FMO5: variants seen among roughly 807,000 people sequenced by gnomAD.
The protein encoded by FMO5 is flavin-containing monooxygenase 5.
In FMO5, 51 loss-of-function variants were observed where a neutral mutation model predicts 43.6. The observed-to-expected ratio is 1.17, with a 90% confidence interval of 0.93 to 1.48. The LOEUF (loss-of-function observed/expected upper bound fraction) is 1.48, where lower values mean the gene tolerates loss of function less well. FMO5 is among the 40% of genes most tolerant of loss of function. The pLI is 0.00. For missense variants in FMO5, 644 were observed against 643.0 expected (o/e 1.00, Z -0.02); for synonymous variants, 187 against 216.5 (o/e 0.86, Z 1.20).
At chr1:147,201,914 G>T (rs1051723068) in intron 6 of FMO5, among the ~76,000 whole-genome samples, 2 of 152,130 alleles carry the variant, frequency 1.3e-5, no homozygotes, top group Non-Finnish European at 2.9e-5. Flanking sequence ...CTAAGTTTAG[G>T]CCACTGTTTT....
chr1:147,208,665 C>T lies in FMO5; in HGVS notation c.830+187G>A, dbSNP rs1660541827. ...TGTTGGCCAGGATGGTCTCAAACTC[C>T]TGAGCTCAGGTGATCCACCCGCCTC... is the stretch of plus-strand genomic sequence containing the variant. On this transcript the variant is annotated intron_variant, in intron 6 of 8. Transcript: ENST00000254090. 3 of 493,674 alleles carry T rather than the reference C, an allele frequency of 6.1e-6. No homozygotes were observed. In the South Asian group the frequency reaches 6.2e-5, roughly 10 times the overall value. The allele number at this position is 493,674 out of a possible 1,614,324, so 30.6% of individuals were successfully genotyped here. A position where few individuals can be genotyped will look rare whatever the true frequency, so the allele number is the denominator to read the frequency against.
At chr1:147,199,728 G>A (rs1293334285) in intron 7 of FMO5, among the ~76,000 whole-genome samples, 1 of 152,160 alleles carries the variant, frequency 6.6e-6, no homozygotes, top group Non-Finnish European at 1.5e-5. Flanking sequence ...TTGACTACTT[G>A]TATAGTTCTC....
intron 7 of FMO5, among the ~76,000 whole-genome samples, chr1:147,193,202 A>C (rs1158186569): frequency 6.6e-6 from 1 of 152,172 alleles, no homozygotes; most frequent in African/African-American, 2.4e-5. Context: ...TTATTGGTCT[A>C]TTCAGAGATT....
At chr1:147,207,028 GA>G (rs1432809668) in intron 6 of FMO5, among the ~76,000 whole-genome samples, 2 of 151,668 alleles carry the variant, frequency 1.3e-5, no homozygotes, top group African/African-American at 4.8e-5. Context: ...GATTTAAAAA[GA>G]TTTTTTTAAA....
chr1:147,226,677 C>A (rs1175583262), upstream of FMO5, among the ~76,000 whole-genome samples: 15 of 152,110 alleles, frequency 9.9e-5, no homozygotes, highest in African/African-American at 3.6e-4. Flanking sequence ...TCTCCTTCTA[C>A]CACTCCCTGA....
At chr1:147,214,526 G>C (rs1185916855) in intron 3 of FMO5, among the ~76,000 whole-genome samples, 1 of 151,296 alleles carries the variant, frequency 6.6e-6, no homozygotes, top group Non-Finnish European at 1.5e-5. Flanking sequence ...ACTATTTATA[G>C]TTCCTCTATC....
chr1:147,224,793 T>C (rs28381170), intron 2 of FMO5, 102 bp downstream of exon 2: 1 of 1,154,400 alleles, frequency 8.7e-7, no homozygotes, highest in Non-Finnish European at 1.3e-6. Flanking sequence ...TACAGGCGTG[T>C]GCCAACCGCG....
At chr1:147,207,726 G>A (rs147458785) in intron 6 of FMO5, among the ~76,000 whole-genome samples, 90 of 152,200 alleles carry the variant, frequency 5.9e-4, no homozygotes, top group African/African-American at 2.1e-3. Flanking sequence ...CCCTGGTTCC[G>A]GGAATACCTC....
intron 8 of FMO5, among the ~76,000 whole-genome samples, chr1:147,188,941 GAGA>G (rs2101696411): frequency 1.3e-5 from 2 of 152,204 alleles, no homozygotes; most frequent in South Asian, 4.1e-4. Context: ...ACTCAGTAGT[GAGA>G]AGAAGGAAAA....
chr1:147,187,290 C>T (rs1287563576), intron 8 of FMO5, 45 bp from the exon 9 acceptor site: 4 of 1,431,716 alleles, frequency 2.8e-6, no homozygotes, highest in Admixed American at 4.2e-5. Context: ...ATAATTCAAT[C>T]AGTCAGTCAA....
intron 5 of FMO5, among the ~76,000 whole-genome samples, chr1:147,211,837 C>T (rs28381191): frequency 0.016 from 2,484 of 152,304 alleles, 64 homozygotes; most frequent in African/African-American, 0.056. Context: ...AAGGCCAGGG[C>T]AAGCTGCTTG....
intron 6 of FMO5, among the ~76,000 whole-genome samples, chr1:147,206,721 C>G (rs1482184344): frequency 4.6e-5 from 7 of 152,046 alleles, no homozygotes; most frequent in Admixed American, 3.3e-4. Context: ...AATGAGAACA[C>G]TTGGACACAG....
chr1:147,203,985 A>C (rs1367123251), intron 6 of FMO5: 16 of 1,195,010 alleles, frequency 1.3e-5, no homozygotes, highest in Non-Finnish European at 2.0e-5. Flanking sequence ...TCCCATTTTG[A>C]GTTTAGCTTC....
chr1:147,204,169 T>C (rs1659546770), intron 6 of FMO5: 6 of 1,273,860 alleles, frequency 4.7e-6, no homozygotes, highest in Non-Finnish European at 6.9e-6. Context: ...TCAACACTGT[T>C]CCCTTAGTTT....
In FMO5 at chr1:147,187,102, G is replaced by A. The variant is rs907429343; in HGVS notation, c.1400C>T (p.Pro467Leu). The A allele has an allele frequency of 1.2e-6, 2 of 1,614,074 alleles. No individual in the cohort carries two copies. Among genetic ancestry groups the A allele is most frequent in the Admixed American group, 1.7e-5 (1 of 60,002 alleles). The change falls in exon 9 of 9, where the codon CCC (proline) becomes CTC (leucine). Residue 467 changes from proline to leucine, a missense_variant. Transcript: ENST00000254090. ...TACACGATAGTGGATTGGAGTGCAGGGTCCCAGTAATAAGTGTAATGCCAG... is the reference window on the plus strand; with the variant it reads ...TACACGATAGTGGATTGGAGTGCAGAGTCCCAGTAATAAGTGTAATGCCAG... The part of the protein sequence containing the change: ...PKLALHLLLG[P>L]CTPIHYRVQG...
At chr1:147,201,098 C>T in intron 7 of FMO5, 54 bp downstream of exon 7, 1 of 1,283,882 alleles carries the variant, frequency 7.8e-7, no homozygotes, top group Non-Finnish European at 1.1e-6. Context: ...AGTACCTAAA[C>T]AGAGGTAAAC....
chr1:147,187,681 AG>A (rs1223925081), intron 8 of FMO5, among the ~76,000 whole-genome samples: 1 of 152,216 alleles, frequency 6.6e-6, no homozygotes, highest in Non-Finnish European at 1.5e-5. Flanking sequence ...CAGGGTCCAC[AG>A]GGCAGGACTT....
chr1:147,202,482 G>A lies in FMO5; in HGVS notation c.831-978C>T, dbSNP rs186099205. 4.3e-3 allele frequency among the ~76,000 whole-genome samples: 650 copies of A among 151,980 alleles called. 5 individuals are homozygous for A. Among genetic ancestry groups the A allele is most frequent in the African/African-American group, 0.015 (625 of 41,430 alleles). On this transcript the variant is annotated intron_variant, in intron 6 of 8. Transcript: ENST00000254090. The stretch of plus-strand genomic sequence containing the variant: ...CTACAGGCACCTGCCACCATGCCTG[G>A]CTAATTTTTGTATTTTTAGTAGAGA...
In FMO5 at chr1:147,208,578, T is replaced by C. The variant is rs959155329; in HGVS notation, c.830+274A>G. The C allele has an allele frequency of 5.2e-5, 16 of 307,370 alleles. No homozygotes were observed. The Admixed American group carries it at 5.6e-4, about 11-fold the overall frequency. 19.0% of individuals were successfully genotyped at this position (307,370 alleles called of 1,614,324 possible). On this transcript the variant is annotated intron_variant, in intron 6 of 8. Transcript: ENST00000254090. ...CCTCAGCCTCCTGAATAGCTGGGAC[T>C]ACAGACAGGTGCCACCACACCTGGC... is the stretch of plus-strand genomic sequence containing the variant.
Sources: gnomAD v4.1 joint callset for allele counts (sites outside exome capture counted in the v4.1 genomes callset) on GRCh38, gnomAD v4.1.1 for gene constraint, MANE v1.5 for transcripts, NCBI Gene and HGNC (gene_info 2026-07-23, HGNC 2026-07-21) for gene names.